Variants in GPHN observed in about 807,000 individuals in gnomAD.
GPHN encodes the protein gephyrin.
Under a neutral mutation model 95.5 loss-of-function variants are expected in GPHN, and 17 were observed. The ratio of observed to expected loss-of-function variants is 0.18; its 90% CI spans 0.12 to 0.27. The LOEUF is 0.27. Ranked by LOEUF, GPHN falls within the 10% of genes least tolerant of loss-of-function variation. The pLI is 1.00. For synonymous variants in GPHN, 320 were observed against 322.5 expected (o/e 0.99, Z 0.08); for missense variants, 660 against 978.1 (o/e 0.67, Z 4.34).
the GPHN span, among the ~76,000 whole-genome samples, chr14:67,606,407 G>GT: frequency 6.6e-6 from 1 of 152,094 alleles, no homozygotes; most frequent in South Asian, 2.1e-4. Flanking sequence ...TGCACTAAAG[G>GT]TTTTTTAATG....
In GPHN at chr14:66,878,760, T is replaced by G. The variant is rs142728226; in HGVS notation, c.295-1179T>G. ...TGGAAAAATAGGAATGCTTTTATACTGTTGGTGGGAGTGTAAATTAATTCA... is the reference window on the plus strand; with the variant it reads ...TGGAAAAATAGGAATGCTTTTATACGGTTGGTGGGAGTGTAAATTAATTCA... On this transcript the variant is annotated intron_variant, in intron 4 of 22. Transcript: ENST00000478722. Among the ~76,000 whole-genome samples the G allele has an allele frequency of 9.3e-3, 1,413 of 152,278 alleles. 9 individuals carry two copies. Among genetic ancestry groups the G allele is most frequent in the Admixed American group, 0.014 (216 of 15,282 alleles).
At chr14:67,669,929 A>C in the GPHN span, among the ~76,000 whole-genome samples, 4 of 152,044 alleles carry the variant, frequency 2.6e-5, no homozygotes, top group African/African-American at 9.7e-5. Flanking sequence ...GGAGACCCTT[A>C]CTAAAAATAC....
the GPHN span, among the ~76,000 whole-genome samples, chr14:67,188,885 A>G: frequency 6.9e-6 from 1 of 144,718 alleles, no homozygotes; most frequent in Non-Finnish European, 1.5e-5. Context: ...GAAATGGGGT[A>G]TCACTGTGTT....
At chr14:67,132,975 C>A (rs2079818100) in intron 17 of GPHN, among the ~76,000 whole-genome samples, 1 of 151,552 alleles carries the variant, frequency 6.6e-6, no homozygotes, top group African/African-American at 2.4e-5. Context: ...GATGAGTTTT[C>A]TGCACTAGCT....
chr14:67,232,771 G>A, the GPHN span, among the ~76,000 whole-genome samples: 74 of 152,200 alleles, frequency 4.9e-4, no homozygotes, highest in Admixed American at 1.2e-3. Flanking sequence ...GCATTTTTAT[G>A]CGTGTTGCCA....
the GPHN span, among the ~76,000 whole-genome samples, chr14:67,249,844 A>G: frequency 6.6e-6 from 1 of 152,178 alleles, no homozygotes; most frequent in East Asian, 1.9e-4. Context: ...TGTGTTTTAG[A>G]AGTGCCTTTA....
intron 1 of GPHN, among the ~76,000 whole-genome samples, chr14:66,510,266 A>G (rs1041980374): frequency 7.9e-5 from 12 of 152,212 alleles, no homozygotes; most frequent in African/African-American, 2.9e-4. Flanking sequence ...CTTTGACAAT[A>G]ATAGAGTAGT....
At chr14:67,712,039 C>T in the GPHN span, among the ~76,000 whole-genome samples, 2 of 152,148 alleles carry the variant, frequency 1.3e-5, no homozygotes, top group South Asian at 2.1e-4. Flanking sequence ...CCTGCCTCAG[C>T]CCCCTGAGTA....
At chr14:67,517,123 A>G in the GPHN span, among the ~76,000 whole-genome samples, 1 of 152,194 alleles carries the variant, frequency 6.6e-6, no homozygotes, top group Non-Finnish European at 1.5e-5. Flanking sequence ...ACTGTCAGAG[A>G]CGCAGGAGAC....
At chr14:66,652,422 A>C (rs2065090604) in intron 1 of GPHN, among the ~76,000 whole-genome samples, 1 of 151,936 alleles carries the variant, frequency 6.6e-6, no homozygotes, top group Non-Finnish European at 1.5e-5. Flanking sequence ...TATATATATA[A>C]TATCATTCTA....
At chr14:67,391,271 A>ATGTGTG in the GPHN span, among the ~76,000 whole-genome samples, 6,605 of 143,834 alleles carry the variant, frequency 0.046, 222 homozygotes, top group African/African-American at 0.098. Context: ...AGCAGCTGAT[A>ATGTGTG]TGTGTGTGTG....
intron 1 of GPHN, among the ~76,000 whole-genome samples, chr14:66,660,373 T>C (rs1051113549): frequency 6.6e-6 from 1 of 152,326 alleles, no homozygotes; most frequent in South Asian, 2.1e-4. Flanking sequence ...TTGTCTGTTG[T>C]ATTTACCCAT....
the GPHN span, chr14:67,336,781 G>GTACTT: frequency 2.2e-6 from 1 of 455,950 alleles, no homozygotes; most frequent in Non-Finnish European, 4.4e-6. Flanking sequence ...TATTTTTAAA[G>GTACTT]TACTTGTGAA....
At chr14:66,694,430 G>A (rs376030534) in intron 2 of GPHN, among the ~76,000 whole-genome samples, 1 of 152,052 alleles carries the variant, frequency 6.6e-6, no homozygotes, top group African/African-American at 2.4e-5. Context: ...ATGTTCAACT[G>A]GTCTTTGAAA....
chr14:66,612,660 C>T (rs904947520), intron 1 of GPHN, among the ~76,000 whole-genome samples: 2 of 152,042 alleles, frequency 1.3e-5, no homozygotes, highest in African/African-American at 4.8e-5. Flanking sequence ...ACCCAATCCC[C>T]CTTTCAAAGT....
rs143482294 is a variant in GPHN at position 67,117,795 on chromosome 14, C to T, written c.1627-4461C>T. 2.0e-4 allele frequency among the ~76,000 whole-genome samples: 31 copies of T among 152,142 alleles called. No individual in the cohort carries two copies. The East Asian group carries it at 5.8e-3, about 28-fold the overall frequency. The stretch of plus-strand genomic sequence containing the variant: ...ACAATATCAGCTGTCTTTGGGAGTT[C>T]AGCAAAAAAACGATCAGACCTCAAA... On this transcript the variant is annotated intron_variant, in intron 16 of 22. Transcript: ENST00000478722.
intron 1 of GPHN, among the ~76,000 whole-genome samples, chr14:66,617,169 C>G (rs1346598299): frequency 1.3e-5 from 2 of 152,220 alleles, no homozygotes; most frequent in African/African-American, 2.4e-5. Flanking sequence ...ACCCTTTTCT[C>G]TAGGGGCTCA....
chr14:67,183,208 G>A (rs1727536222), downstream of GPHN, among the ~76,000 whole-genome samples: 1 of 152,138 alleles, frequency 6.6e-6, no homozygotes, highest in African/African-American at 2.4e-5. Context: ...TGAGAGCAGT[G>A]CTTGTCATGT....
At chr14:66,986,038 CTGAT>C (rs1199836259) in intron 9 of GPHN, among the ~76,000 whole-genome samples, 1 of 152,084 alleles carries the variant, frequency 6.6e-6, no homozygotes, top group African/African-American at 2.4e-5. Flanking sequence ...AACCGTTCCT[CTGAT>C]TGATGTCACT....
Sources: gnomAD v4.1 joint callset for allele counts (sites outside exome capture counted in the v4.1 genomes callset) on GRCh38, gnomAD v4.1.1 for gene constraint, MANE v1.5 for transcripts, NCBI Gene and HGNC (gene_info 2026-07-23, HGNC 2026-07-21) for gene names.